CILK1: variants seen among roughly 807,000 people sequenced by gnomAD.
The protein encoded by CILK1 is ciliogenesis associated kinase 1, also known as serine/threonine-protein kinase ICK.
Under a neutral mutation model 79.2 loss-of-function variants are expected in CILK1, and 47 were observed. The ratio of observed to expected loss-of-function variants is 0.59; its 90% confidence interval spans 0.47 to 0.76. The LOEUF is 0.76. Ranked by LOEUF, CILK1 falls within the 30% of genes least tolerant of loss-of-function variation. The pLI is 0.00. For synonymous variants in CILK1, 266 were observed against 275.9 expected (o/e 0.96, Z 0.36); for missense variants, 660 against 769.5 (o/e 0.86, Z 1.68).
At chr6:53,054,725 A>G (rs189002971) in intron 1 of CILK1, 4 of 152,258 alleles carry the variant, frequency 2.6e-5, no homozygotes, top group African/African-American at 9.6e-5. Context: ...AGACAGCTTT[A>G]TCTCTCTTTC....
At chr6:53,049,296 T>C (rs1767317057) in intron 1 of CILK1, among the ~76,000 whole-genome samples, 1 of 152,242 alleles carries the variant, frequency 6.6e-6, no homozygotes, top group Middle Eastern at 3.2e-3. Context: ...CAAAATTCTC[T>C]ACAGGAGGTG....
intron 4 of CILK1, among the ~76,000 whole-genome samples, chr6:53,031,943 C>T (rs941486982): frequency 1.4e-4 from 21 of 152,214 alleles, no homozygotes; most frequent in African/African-American, 3.9e-4. Context: ...AAGTGATTCT[C>T]CTGCCTCAGT....
At chr6:53,050,224 T>C (rs1309791278) in intron 1 of CILK1, among the ~76,000 whole-genome samples, 1 of 152,058 alleles carries the variant, frequency 6.6e-6, no homozygotes, top group African/African-American at 2.4e-5. Context: ...TCTGAGTATA[T>C]GACATTAGCA....
intron 5 of CILK1, among the ~76,000 whole-genome samples, chr6:53,019,622 A>T (rs148313934): frequency 1.8e-4 from 28 of 152,246 alleles, no homozygotes; most frequent in African/African-American, 5.1e-4. Context: ...TTAAAATATC[A>T]AACTGGATTA....
intron 1 of CILK1, among the ~76,000 whole-genome samples, chr6:53,057,316 C>T (rs892794263): frequency 9.9e-5 from 15 of 152,192 alleles, no homozygotes; most frequent in African/African-American, 3.4e-4. Context: ...CCTAAAAAAA[C>T]GTGTGGTTCT....
At chr6:53,022,203 G>T (rs934491092) in intron 5 of CILK1, among the ~76,000 whole-genome samples, 4 of 152,062 alleles carry the variant, frequency 2.6e-5, no homozygotes, top group Admixed American at 2.0e-4. Flanking sequence ...AATTATTGAA[G>T]AAAGAAATTT....
chr6:53,056,638 G>A (rs117577393), intron 1 of CILK1, among the ~76,000 whole-genome samples: 1 of 152,188 alleles, frequency 6.6e-6, no homozygotes, highest in East Asian at 1.9e-4. Flanking sequence ...TTTAACCTTA[G>A]AATATAAGCT....
intron 5 of CILK1, among the ~76,000 whole-genome samples, chr6:53,023,207 A>G (rs1449991548): frequency 6.6e-6 from 1 of 152,146 alleles, no homozygotes; most frequent in African/African-American, 2.4e-5. Context: ...TGCTGGGATT[A>G]CAGGTGTAAG....
chr6:53,007,698 G>A (rs571252416), intron 12 of CILK1, among the ~76,000 whole-genome samples: 3 of 152,048 alleles, frequency 2.0e-5, no homozygotes, highest in Non-Finnish European at 4.4e-5. Flanking sequence ...GGGAGACCCA[G>A]GCGGGTGGAT....
chr6:53,048,475 C>T (rs1664834500), intron 1 of CILK1, among the ~76,000 whole-genome samples: 1 of 152,188 alleles, frequency 6.6e-6, no homozygotes, highest in African/African-American at 2.4e-5. Context: ...CAAGAAGCAC[C>T]AGTCAGCTCA....
intron 1 of CILK1, among the ~76,000 whole-genome samples, chr6:53,055,942 G>A (rs538680644): frequency 9.3e-4 from 142 of 152,280 alleles, no homozygotes; most frequent in African/African-American, 2.9e-3. Flanking sequence ...GAGCTAGAAC[G>A]AGAGTCCCCA....
At chr6:53,045,147 T>C (rs1219743698) in intron 1 of CILK1, among the ~76,000 whole-genome samples, 1 of 152,206 alleles carries the variant, frequency 6.6e-6, no homozygotes, top group Non-Finnish European at 1.5e-5. Context: ...AATGCAGACT[T>C]ATTTAATACA....
At chr6:53,029,416 C>T (rs1007957745) in intron 5 of CILK1, among the ~76,000 whole-genome samples, 2 of 152,194 alleles carry the variant, frequency 1.3e-5, no homozygotes, top group East Asian at 1.9e-4. Context: ...AACTGGTTCA[C>T]AATTTGACTC....
chr6:53,034,120 G>A (rs552938475), intron 3 of CILK1, among the ~76,000 whole-genome samples: 7 of 152,282 alleles, frequency 4.6e-5, no homozygotes, highest in African/African-American at 7.2e-5. Flanking sequence ...TGCTTAAAAC[G>A]CATCACAAGC....
At chr6:53,054,913 C>A (rs535356695) in intron 1 of CILK1, among the ~76,000 whole-genome samples, 1 of 152,280 alleles carries the variant, frequency 6.6e-6, no homozygotes, top group African/African-American at 2.4e-5. Context: ...CATTCACAGC[C>A]TAAAAAATGG....
intron 13 of CILK1, among the ~76,000 whole-genome samples, chr6:53,005,811 T>A (rs888747056): frequency 1.5e-4 from 23 of 152,114 alleles, no homozygotes; most frequent in African/African-American, 5.6e-4. Context: ...TCCATGACAA[T>A]GTGCTTACAG....
chr6:53,008,379 G>A (rs1428525882), intron 12 of CILK1, among the ~76,000 whole-genome samples: 1 of 151,832 alleles, frequency 6.6e-6, no homozygotes, highest in African/African-American at 2.4e-5. Context: ...AAGCAGGGAG[G>A]CGGGAAAGGC....
At chr6:53,032,681 C>A in intron 3 of CILK1, 27 bp from the exon 4 acceptor site, 1 of 1,563,188 alleles carries the variant, frequency 6.4e-7, no homozygotes, top group Non-Finnish European at 8.7e-7. Flanking sequence ...AAACACAAAA[C>A]AAAACAAATA....
chr6:53,041,540 A>G (rs938854234), intron 1 of CILK1, 132 bp from the exon 2 acceptor site: 1 of 378,956 alleles, frequency 2.6e-6, no homozygotes, highest in African/African-American at 2.1e-5. Context: ...CATGACTACA[A>G]CAGCAGAGCT....
Sources: gnomAD v4.1 joint callset for allele counts (sites outside exome capture counted in the v4.1 genomes callset) on GRCh38, gnomAD v4.1.1 for gene constraint, MANE v1.5 for transcripts, NCBI Gene and HGNC (gene_info 2026-07-23, HGNC 2026-07-21) for gene names.